Variants in LRFN5 observed in about 807,000 individuals in gnomAD.
LRFN5 encodes leucine rich repeat and fibronectin type III domain containing 5, also known as leucine-rich repeat and fibronectin type-III domain-containing protein 5.
Under a neutral mutation model 45.6 loss-of-function variants are expected in LRFN5, and 24 were observed. The ratio of observed to expected loss-of-function variants is 0.53; its 90% confidence interval spans 0.38 to 0.74. The LOEUF (loss-of-function observed/expected upper bound fraction) is 0.74. Among genes scored for constraint, LRFN5 ranks in the 30% least tolerant of loss-of-function variants. The pLI, the probability that LRFN5 is intolerant of heterozygous loss-of-function variation, is 0.00. For missense variants in LRFN5, 776 were observed against 861.5 expected, an observed-to-expected ratio of 0.90 and a Z score of 1.24; for synonymous variants, 340 against 313.8, an observed-to-expected ratio of 1.08 and a Z score of -0.88.
At chr14:41,884,258 C>G (rs566340379) in intron 2 of LRFN5, among the ~76,000 whole-genome samples, 1 of 152,296 alleles carries the variant, frequency 6.6e-6, no homozygotes, top group African/African-American at 2.4e-5. Flanking sequence ...TGTATTTATT[C>G]ACTTCCAATG....
At chr14:41,736,277 G>T (rs528553250) in intron 1 of LRFN5, among the ~76,000 whole-genome samples, 1 of 152,172 alleles carries the variant, frequency 6.6e-6, no homozygotes, top group African/African-American at 2.4e-5. Context: ...ATTGTTTCCT[G>T]ACTTTTTAAA....
chr14:41,817,709 TG>T (rs1887968553), intron 2 of LRFN5, among the ~76,000 whole-genome samples: 1 of 152,166 alleles, frequency 6.6e-6, no homozygotes, highest in African/African-American at 2.4e-5. Context: ...TTTCTCCTGC[TG>T]GAAGCACCAA....
intron 2 of LRFN5, among the ~76,000 whole-genome samples, chr14:41,777,240 T>G (rs1343215469): frequency 6.8e-6 from 1 of 148,134 alleles, no homozygotes; most frequent in African/African-American, 2.5e-5. Context: ...AAAATTATGT[T>G]GTAAATTTTA....
chr14:41,849,224 A>T (rs1308769155), intron 2 of LRFN5, among the ~76,000 whole-genome samples: 1 of 151,940 alleles, frequency 6.6e-6, no homozygotes, highest in East Asian at 1.9e-4. Context: ...AGGTAATCCA[A>T]TGCTATTATT....
intron 4 of LRFN5, among the ~76,000 whole-genome samples, chr14:41,898,541 A>G (rs1891009980): frequency 6.6e-6 from 1 of 152,000 alleles, no homozygotes; most frequent in African/African-American, 2.4e-5. Context: ...GTAATTTTGC[A>G]TATTATTCTG....
intron 2 of LRFN5, among the ~76,000 whole-genome samples, chr14:41,876,366 C>T (rs542067122): frequency 2.0e-5 from 3 of 147,184 alleles, no homozygotes; most frequent in Middle Eastern, 3.6e-3. Context: ...CTGCAAGCTC[C>T]GCCTCCCGGG....
At chr14:41,874,732 C>G (rs1245986682) in intron 2 of LRFN5, among the ~76,000 whole-genome samples, 1 of 152,070 alleles carries the variant, frequency 6.6e-6, no homozygotes, top group African/African-American at 2.4e-5. Flanking sequence ...TTCTCACACT[C>G]CTAATAAAGA....
chr14:41,692,874 TG>T (rs1882442679), intron 1 of LRFN5, among the ~76,000 whole-genome samples: 1 of 152,130 alleles, frequency 6.6e-6, no homozygotes, highest in Non-Finnish European at 1.5e-5. Flanking sequence ...GTAGCTTTCA[TG>T]TTTAGTTCTA....
At chr14:41,890,183 T>C (rs147244708) in intron 3 of LRFN5, among the ~76,000 whole-genome samples, 53 of 152,238 alleles carry the variant, frequency 3.5e-4, no homozygotes, top group African/African-American at 1.3e-3. Context: ...AATTAGGTGA[T>C]ATTAGATTTA....
At chr14:41,674,263 C>T (rs1209006221) in intron 1 of LRFN5, among the ~76,000 whole-genome samples, 4 of 132,198 alleles carry the variant, frequency 3.0e-5, no homozygotes, top group Non-Finnish European at 6.6e-5. Flanking sequence ...TCCTCACTTC[C>T]CAGTAGGGGC....
rs149380124 is a variant in LRFN5 at position 41,780,851 on chromosome 14, C to T, written c.-21+13822C>T. On this transcript the variant is annotated intron_variant, in intron 2 of 5. Coordinates refer to ENST00000298119, the MANE Select transcript of LRFN5 (RefSeq NM_152447.5). ...TTCTACTTCAAAAAAATTTATAGTA[C>T]GGTTGCCCAAGTGTTTATAATATAC... Among the ~76,000 whole-genome samples the T allele has an allele frequency of 3.9e-4, 60 of 152,038 alleles. No homozygotes were observed. The East Asian group carries it at 6.4e-3, about 16-fold the overall frequency.
rs199862342 is a variant in LRFN5, at chr14:41,704,438, C to CTGTGTGTGTGTG, written c.-196-62415_-196-62414insGTGTGTGTGTGT. Among the ~76,000 whole-genome samples the CTGTGTGTGTGTG allele has an allele frequency of 9.0e-3, 1,010 of 111,660 alleles. 27 individuals carry two copies. The highest frequency in any genetic ancestry group is 0.035 in the East Asian group (150 of 4,290). 73.3% of individuals were successfully genotyped at this position (111,660 alleles called of 152,430 possible). On this transcript the variant is annotated intron_variant, in intron 1 of 5. Coordinates refer to ENST00000298119, the MANE Select transcript of LRFN5 (RefSeq NM_152447.5). Reference sequence around the variant, plus strand: ...TCTCTCTCTCTCTCTCTCTCTCTCTCTCTCTCTCTCTGTGTGTGTGTGTCT... The same window carrying CTGTGTGTGTGTG: ...TCTCTCTCTCTCTCTCTCTCTCTCTCTGTGTGTGTGTGTCTCTCTCTCTGTGTGTGTGTGTCT...
At chr14:41,668,025 C>T (rs544451762) in intron 1 of LRFN5, among the ~76,000 whole-genome samples, 119 of 152,174 alleles carry the variant, frequency 7.8e-4, no homozygotes, top group African/African-American at 2.8e-3. Flanking sequence ...TTGGGAAGGT[C>T]GAACCTTGTG....
At chr14:41,704,379 C>A (rs937000250) in intron 1 of LRFN5, among the ~76,000 whole-genome samples, 1 of 149,972 alleles carries the variant, frequency 6.7e-6, no homozygotes, top group African/African-American at 2.5e-5. Flanking sequence ...AGAATTTGAC[C>A]TCCATTTTCT....
At chr14:41,875,958 G>A (rs1322275995) in intron 2 of LRFN5, among the ~76,000 whole-genome samples, 1 of 152,072 alleles carries the variant, frequency 6.6e-6, no homozygotes, top group Non-Finnish European at 1.5e-5. Context: ...TTGCTCATGA[G>A]GAAATTCCCT....
intron 1 of LRFN5, among the ~76,000 whole-genome samples, chr14:41,638,098 A>G (rs1879388506): frequency 1.3e-5 from 2 of 152,150 alleles, no homozygotes; most frequent in African/African-American, 2.4e-5. Context: ...TGCATGCTAT[A>G]GTATGACAGT....
intron 1 of LRFN5, among the ~76,000 whole-genome samples, chr14:41,615,489 T>C (rs1887899005): frequency 6.6e-6 from 1 of 152,182 alleles, no homozygotes; most frequent in Non-Finnish European, 1.5e-5. Context: ...TCAAGTCCTT[T>C]TACCTTTAAT....
chr14:41,848,216 C>T (rs376013434), intron 2 of LRFN5, among the ~76,000 whole-genome samples: 7 of 152,020 alleles, frequency 4.6e-5, no homozygotes, highest in East Asian at 1.9e-4. Flanking sequence ...ATTCACATCA[C>T]GCAAAATAAA....
chr14:41,641,114 T>G (rs143277368), intron 1 of LRFN5, among the ~76,000 whole-genome samples: 80 of 152,216 alleles, frequency 5.3e-4, no homozygotes, highest in Middle Eastern at 3.4e-3. Context: ...TGTGGGCAGA[T>G]AAACCCCTCC....
Sources: allele counts gnomAD v4.1 joint callset (sites outside exome capture counted in the v4.1 genomes callset), GRCh38; gene constraint gnomAD v4.1.1; transcripts MANE v1.5; gene names NCBI Gene and HGNC (gene_info 2026-07-23, HGNC 2026-07-21).